ZNF114: variants seen among roughly 807,000 people sequenced by gnomAD.
The protein encoded by ZNF114 is zinc finger protein 114 (Y18).
In ZNF114, 8 loss-of-function variants were observed where a neutral mutation model predicts 6.8. The ratio of observed to expected loss-of-function variants is 1.18; its 90% CI spans 0.69 to 2.13. The LOEUF is 2.13. Among genes scored for constraint, ZNF114 ranks in the 30% most tolerant of loss-of-function variants. ZNF114 has a pLI of 0.00. For missense variants in ZNF114, 472 were observed against 519.5 expected, an observed-to-expected ratio of 0.91 and a Z score of 0.89; for synonymous variants, 169 against 185.5, an observed-to-expected ratio of 0.91 and a Z score of 0.72.
At chr19:48,274,361 A>C (rs943736687) in intron 3 of ZNF114, among the ~76,000 whole-genome samples, 1 of 151,602 alleles carries the variant, frequency 6.6e-6, no homozygotes, top group Non-Finnish European at 1.5e-5. Flanking sequence ...TTTTATGAAC[A>C]AATGACTCAT....
chr19:48,274,848 C>T lies in ZNF114; in HGVS notation c.-70+3020C>T, dbSNP rs553387972. Among the ~76,000 whole-genome samples, 68 of 152,162 alleles carry T rather than the reference C, an allele frequency of 4.5e-4. No individual in the cohort carries two copies. In the Middle Eastern group the frequency reaches 0.01, roughly 23 times the overall value. The stretch of plus-strand genomic sequence containing the variant: ...AGGCAGGATGCAAACACATTGTGTG[C>T]GTTTCTCTTCCAGGGCTCACACCCT... On this transcript the variant is annotated intron_variant, in intron 3 of 5. Coordinates refer to ENST00000595607, the MANE Select transcript of ZNF114 (RefSeq NM_153608.4).
At chr19:48,272,628 C>G (rs1473946310) in intron 3 of ZNF114, among the ~76,000 whole-genome samples, 4 of 112,232 alleles carry the variant, frequency 3.6e-5, no homozygotes, top group African/African-American at 1.6e-4. Context: ...GAGCCGAGAT[C>G]GTGCCACTGC....
Position 48,286,413 on chromosome 19 carries a change from C to T in ZNF114, c.789C>T (p.His263=), listed in dbSNP as rs79656783. 968 of 1,614,192 alleles carry T rather than the reference C, an allele frequency of 6.0e-4. 1 individual carries two copies. Among genetic ancestry groups the T allele is most frequent in the Non-Finnish European group, 7.8e-4 (915 of 1,180,048 alleles). Residue 263 remains histidine, a synonymous_variant, in exon 6 of 6, where the codon CAC becomes CAT. Transcript: ENST00000595607. ...ACACCTCCAGAAATAACTCAATTCA[C>T]GCCATGCAGATGCAGTTGTATACCG... ...CENTSRNNSI[H]AMQMQLYTAE...
At position 48,287,003 on chromosome 19, in the gene ZNF114, A is replaced by G; in HGVS notation, c.*125A>G. 7.6e-6 allele frequency: 8 copies of G among 1,046,960 alleles called. No homozygotes were observed. The highest frequency in any genetic ancestry group is 1.0e-5 in the Non-Finnish European group (8 of 767,130). 64.9% of individuals were successfully genotyped at this position (1,046,960 alleles called of 1,614,324 possible). A position where few individuals can be genotyped will look rare whatever the true frequency, so the allele number is the denominator to read the frequency against. On this transcript the variant is annotated 3_prime_UTR_variant, in exon 6 of 6. Transcript: ENST00000595607. The stretch of plus-strand genomic sequence containing the variant: ...TCTTCCCTGAACTCTCGTATCTTAC[A>G]GAAATGTGAAAAAAAACCCTGTGAA...
At chr19:48,279,850 TC>T in intron 4 of ZNF114, 42 bp downstream of exon 4, 1 of 1,613,510 alleles carries the variant, frequency 6.2e-7, no homozygotes, top group South Asian at 1.1e-5. Context: ...GTGTTGTCGT[TC>T]CCACGAGTCA....
intron 3 of ZNF114, among the ~76,000 whole-genome samples, chr19:48,278,038 G>A (rs1967894621): frequency 6.6e-6 from 1 of 151,982 alleles, no homozygotes; most frequent in Admixed American, 6.6e-5. Flanking sequence ...AGATTCAAGT[G>A]ATTCTCCTGC....
At chr19:48,282,589 G>A in intron 5 of ZNF114, 92 bp downstream of exon 5, 2 of 1,459,364 alleles carry the variant, frequency 1.4e-6, no homozygotes, top group Non-Finnish European at 1.8e-6. Context: ...AATGGGAACT[G>A]GGTTAAATTC....
intron 3 of ZNF114, among the ~76,000 whole-genome samples, chr19:48,277,794 G>GTGT (rs1967877326): frequency 1.7e-5 from 2 of 119,338 alleles, no homozygotes; most frequent in African/African-American, 6.6e-5. Flanking sequence ...GGAGGCATTG[G>GTGT]GTGTGTGTGT....
chr19:48,285,553 AAGGAAGG>A (rs1255111769), intron 5 of ZNF114, among the ~76,000 whole-genome samples: 4 of 150,224 alleles, frequency 2.7e-5, no homozygotes, highest in Admixed American at 2.0e-4. Flanking sequence ...AGAAGGAAGG[AAGGAAGG>A]AGGAAGGAAG....
chr19:48,280,003 C>T (rs1265412053), intron 4 of ZNF114, among the ~76,000 whole-genome samples, 195 bp downstream of exon 4: 2 of 152,112 alleles, frequency 1.3e-5, no homozygotes, highest in Admixed American at 6.6e-5. Flanking sequence ...CCACCCCCAC[C>T]CCAGTACTGA....
rs529937569 is a variant in ZNF114, at chr19:48,286,903, A to G, written c.*25A>G. The G allele has an allele frequency of 2.0e-6, 3 of 1,535,562 alleles. No homozygotes were observed. Among genetic ancestry groups the G allele is most frequent in the Non-Finnish European group, 1.7e-6 (2 of 1,148,730 alleles). On this transcript the variant is annotated 3_prime_UTR_variant, in exon 6 of 6. Coordinates refer to ENST00000595607, the MANE Select transcript of ZNF114 (RefSeq NM_153608.4). ...AAAGGAAGGTGGAAAATTTTTCATT[A>G]ATTTTCTGACTGTACCAAACATGTG...
At chr19:48,280,672 C>T (rs1967965450) in intron 4 of ZNF114, among the ~76,000 whole-genome samples, 1 of 151,732 alleles carries the variant, frequency 6.6e-6, no homozygotes, top group Non-Finnish European at 1.5e-5. Flanking sequence ...CCTGCCTCAG[C>T]ATCCCGAGTA....
At position 48,286,474 on chromosome 19, in the gene ZNF114, A is replaced by C. The variant is rs544217706; in HGVS notation, c.850A>C (p.Thr284Pro). Residue 284 changes from threonine (T) to proline (P), a missense_variant, in exon 6 of 6, where the codon ACC becomes CCC. By Grantham distance (38) the Thr-to-Pro change is conservative. Transcript: ENST00000595607. Reference sequence around the variant, plus strand: ...CAAGAAGGATTGTCAAACTGGGGCAACCTCTGCCAACGCTCCAAATTCCGG... The same window carrying C: ...CAAGAAGGATTGTCAAACTGGGGCACCCTCTGCCAACGCTCCAAATTCCGG... ...TNKKDCQTGA[T>P]SANAPNSGSH... 57 of 1,614,190 alleles carry C rather than the reference A, an allele frequency of 3.5e-5. 1 individual carries two copies. In the South Asian group the frequency reaches 5.7e-4, roughly 16 times the overall value.
intron 3 of ZNF114, among the ~76,000 whole-genome samples, chr19:48,273,720 A>C (rs1480726275): frequency 1.3e-5 from 2 of 151,180 alleles, no homozygotes; most frequent in African/African-American, 4.9e-5. Flanking sequence ...TTCTGTGTCA[A>C]AGTGACTTGG....
chr19:48,285,021 C>T (rs905502131), intron 5 of ZNF114, among the ~76,000 whole-genome samples: 4 of 152,166 alleles, frequency 2.6e-5, no homozygotes, highest in Non-Finnish European at 4.4e-5. Context: ...AATTCCTGAT[C>T]GTTTCCTTGA....
chr19:48,278,529 G>C (rs35422739), intron 3 of ZNF114, among the ~76,000 whole-genome samples: 1 of 152,182 alleles, frequency 6.6e-6, no homozygotes, highest in Non-Finnish European at 1.5e-5. Context: ...GTTGTAGTGT[G>C]TGTCAGTGCC....
chr19:48,274,831 T>G (rs1967782117), intron 3 of ZNF114, among the ~76,000 whole-genome samples: 1 of 152,034 alleles, frequency 6.6e-6, no homozygotes, highest in South Asian at 2.1e-4. Context: ...TTAGGCAGGA[T>G]GCAAACACAT....
chr19:48,286,234 C>T lies in ZNF114; in HGVS notation c.610C>T (p.Gln204Ter). 3 of 1,614,078 alleles carry T rather than the reference C, an allele frequency of 1.9e-6. No homozygotes were observed. The highest frequency in any genetic ancestry group is 2.5e-6 in the Non-Finnish European group (3 of 1,180,026). Residue 204 changes from glutamine to a stop codon, truncating the protein, a stop_gained, in exon 6 of 6, where the codon CAG (glutamine) becomes TAG (stop). Transcript: ENST00000595607. LOFTEE classifies it low-confidence loss of function (END_TRUNC). ...GAAATCAAGCACATGGACTGGCAGT[C>T]AGAACACTGTGCATCATATACGTGA... ...ELKSSTWTGS[Q>*]NTVHHIRDEI...
In ZNF114 at chr19:48,286,519, A is replaced by G. The variant is rs775974931; in HGVS notation, c.895A>G (p.Thr299Ala). The stretch of plus-strand genomic sequence containing the variant: ...TTCCGGTTCACACAAGAGTCATTGC[A>G]CTGGAGAGAAAACCCATAAATGCCC... The part of the protein sequence containing the change: ...PNSGSHKSHC[T>A]GEKTHKCPEC... Residue 299 changes from threonine (T) to alanine (A), a missense_variant, in exon 6 of 6, where the codon ACT becomes GCT. Physicochemically the swap from Thr to Ala is moderately conservative, Grantham distance 58 (BLOSUM62 0). Coordinates refer to ENST00000595607, the MANE Select transcript of ZNF114 (RefSeq NM_153608.4). The G allele has an allele frequency of 6.2e-7, 1 of 1,614,198 alleles. No homozygotes were observed. The highest frequency in any genetic ancestry group is 8.5e-7 in the Non-Finnish European group (1 of 1,180,034).
Sources: allele counts gnomAD v4.1 joint callset (sites outside exome capture counted in the v4.1 genomes callset), GRCh38; gene constraint gnomAD v4.1.1; transcripts MANE v1.5; gene names NCBI Gene and HGNC (gene_info 2026-07-23, HGNC 2026-07-21).